Variants in PGS1 observed in about 807,000 individuals in gnomAD.
PGS1 encodes CDP-diacylglycerol--glycerol-3-phosphate 3-phosphatidyltransferase, mitochondrial.
A neutral mutation model predicts 58.3 loss-of-function variants in PGS1; 44 were observed. The observed-to-expected ratio is 0.75, with a 90% CI of 0.59 to 0.97. The LOEUF is 0.97. Ranked by LOEUF, PGS1 falls within the 50% of genes least tolerant of loss-of-function variation. PGS1 has a pLI of 0.00. For synonymous variants in PGS1, 330 were observed against 311.0 expected (o/e 1.06, Z -0.64); for missense variants, 684 against 731.1 (o/e 0.94, Z 0.74).
chr17:78,422,309 A>AG (rs2085886434), intron 9 of PGS1, among the ~76,000 whole-genome samples: 1 of 152,192 alleles, frequency 6.6e-6, no homozygotes, highest in Non-Finnish European at 1.5e-5. Context: ...GGGCGCCAGG[A>AG]GGGGAGGATT....
intron 2 of PGS1, among the ~76,000 whole-genome samples, chr17:78,394,046 C>T (rs1482931183): frequency 6.6e-6 from 1 of 151,702 alleles, no homozygotes; most frequent in Non-Finnish European, 1.5e-5. Flanking sequence ...GTGGCACACA[C>T]CTGTGGTCCT....
Position 78,389,642 on chromosome 17 carries a change from C to A in PGS1, c.144-2834C>A, listed in dbSNP as rs138269598. 6.7e-3 allele frequency among the ~76,000 whole-genome samples: 995 copies of A among 149,420 alleles called. 14 individuals are homozygous for A. Among genetic ancestry groups the A allele is most frequent in the African/African-American group, 0.023 (949 of 40,614 alleles). ...GGCCCCTTTTTTTTTGAGACGAAGTCTCACTCTGTCACTCAGGCTGGCATG... is the reference window on the plus strand; with the variant it reads ...GGCCCCTTTTTTTTTGAGACGAAGTATCACTCTGTCACTCAGGCTGGCATG... On this transcript the variant is annotated intron_variant, in intron 1 of 9. Coordinates refer to ENST00000262764, the MANE Select transcript of PGS1 (RefSeq NM_024419.5).
At chr17:78,378,911 C>A (rs2081829852) in intron 1 of PGS1, 103 bp downstream of exon 1, 19 of 1,229,968 alleles carry the variant, frequency 1.5e-5, no homozygotes, top group Non-Finnish European at 2.0e-5. Flanking sequence ...CGCAGCGAGT[C>A]CCTCCCCGGT....
At chr17:78,379,282 G>T (rs1407608447) in intron 1 of PGS1, among the ~76,000 whole-genome samples, 1 of 152,130 alleles carries the variant, frequency 6.6e-6, no homozygotes, top group Non-Finnish European at 1.5e-5. Flanking sequence ...GGGATTTTGT[G>T]TATAGAGCGT....
At chr17:78,405,769 T>C (rs1031102517) in intron 7 of PGS1, among the ~76,000 whole-genome samples, 4 of 152,144 alleles carry the variant, frequency 2.6e-5, no homozygotes, top group African/African-American at 9.7e-5. Context: ...CATGAGTACA[T>C]CCCACGGCTT....
At chr17:78,423,984 G>A (rs945086397) in intron 9 of PGS1, 77 bp from the exon 10 acceptor site, 1 of 1,614,046 alleles carries the variant, frequency 6.2e-7, no homozygotes, top group East Asian at 2.2e-5. Flanking sequence ...TAAAGGTCCA[G>A]ACATAGGTGG....
chr17:78,392,718 G>T (rs757896488), intron 2 of PGS1, 53 bp downstream of exon 2: 34 of 1,450,206 alleles, frequency 2.3e-5, no homozygotes, highest in Non-Finnish European at 3.2e-5. Context: ...GGGGGATCAG[G>T]TTGGTGAGTC....
intron 8 of PGS1, among the ~76,000 whole-genome samples, chr17:78,415,747 C>T (rs1405089693): frequency 1.3e-5 from 2 of 152,200 alleles, no homozygotes; most frequent in African/African-American, 2.4e-5. Flanking sequence ...TTCGGGATGA[C>T]CCTCTATTTG....
intron 7 of PGS1, 130 bp from the exon 8 acceptor site, chr17:78,414,749 C>A (rs2085027051): frequency 3.9e-6 from 4 of 1,030,936 alleles, no homozygotes; most frequent in Non-Finnish European, 5.8e-6. Flanking sequence ...CTGTCCGCCG[C>A]TCTGCAGCAG....
chr17:78,403,433 C>A, intron 6 of PGS1, 135 bp from the exon 7 acceptor site: 1 of 981,730 alleles, frequency 1.0e-6, no homozygotes. Flanking sequence ...GGGTCCTGGG[C>A]CCACTCAGCG....
At position 78,419,532 on chromosome 17, in the gene PGS1, T is replaced by C; in HGVS notation, c.1552-14T>C. 1 of 1,612,054 alleles carries C rather than the reference T, an allele frequency of 6.2e-7. No individual in the cohort carries two copies. Among genetic ancestry groups the C allele is most frequent in the Non-Finnish European group, 8.5e-7 (1 of 1,178,506 alleles). Reference sequence around the variant, plus strand: ...GGGGACTCCTCACTATTCCTGTCTGTTCCTCTTCCTCAGGAGCAAGAGCAG... The same window carrying C: ...GGGGACTCCTCACTATTCCTGTCTGCTCCTCTTCCTCAGGAGCAAGAGCAG... On this transcript the variant is annotated splice_polypyrimidine_tract_variant and intron_variant, in intron 8 of 9. Coordinates refer to ENST00000262764, the MANE Select transcript of PGS1 (RefSeq NM_024419.5).
At position 78,422,929 on chromosome 17, in the gene PGS1, C is replaced by T. The variant is rs185227573; in HGVS notation, c.*11-1132C>T. ...TGGCCAACATGGTGAAACCCCATCT[C>T]TACTAAAAATAAAAAAATTAGCTGC... On this transcript the variant is annotated intron_variant, in intron 9 of 9. Coordinates refer to ENST00000262764, the MANE Select transcript of PGS1 (RefSeq NM_024419.5). Among the ~76,000 whole-genome samples, 314 of 152,082 alleles carry T rather than the reference C, an allele frequency of 2.1e-3. 9 individuals carry two copies. The South Asian group carries it at 0.036, about 17-fold the overall frequency.
chr17:78,378,672 G>C lies in PGS1; in HGVS notation c.7G>C (p.Val3Leu). The C allele has an allele frequency of 6.5e-7, 1 of 1,534,512 alleles. No individual in the cohort carries two copies. Among genetic ancestry groups the C allele is most frequent in the Non-Finnish European group, 8.7e-7 (1 of 1,148,260 alleles). ...GCGGAAGCGGCGAGTCTCCATGGCG[G>C]TGGCGGCGGCAGCTGCGGCGGGACC... MAVAAAAAAGPVF... is the reference protein window; with the variant it reads MALAAAAAAGPVF... Residue 3 changes from valine (V) to leucine (L), a missense_variant, in exon 1 of 10, where the codon GTG (valine) becomes CTG (leucine). Val to Leu is a conservative substitution (Grantham distance 32). Transcript: ENST00000262764.
At chr17:78,401,257 A>G (rs1317043500) in intron 6 of PGS1, among the ~76,000 whole-genome samples, 1 of 152,146 alleles carries the variant, frequency 6.6e-6, no homozygotes, top group African/African-American at 2.4e-5. Flanking sequence ...CTCAGCAATG[A>G]ACACGTGTGC....
In PGS1 at chr17:78,400,999, C is replaced by G; in HGVS notation, c.880+144C>G. 1 of 697,448 alleles carries G rather than the reference C, an allele frequency of 1.4e-6. No individual in the cohort carries two copies. The highest frequency in any genetic ancestry group is 2.4e-6 in the Non-Finnish European group (1 of 423,170). 43.2% of individuals were successfully genotyped at this position (697,448 alleles called of 1,614,324 possible). On this transcript the variant is annotated intron_variant, in intron 6 of 9. Coordinates refer to ENST00000262764, the MANE Select transcript of PGS1 (RefSeq NM_024419.5). The surrounding 1 kb of genome is among the most constrained non-coding windows in gnomAD (Gnocchi z 4.4). The stretch of plus-strand genomic sequence containing the variant: ...TTCTGCTTTTGTCCTTGAAGCCAGA[C>G]AGATGTGACTCACTGACCATCAGTC...
intron 7 of PGS1, among the ~76,000 whole-genome samples, chr17:78,407,294 C>G (rs575293189): frequency 6.6e-6 from 1 of 152,154 alleles, no homozygotes; most frequent in Non-Finnish European, 1.5e-5. Flanking sequence ...TCACTTGATG[C>G]TGAAGTGAGA....
intron 1 of PGS1, among the ~76,000 whole-genome samples, chr17:78,385,672 T>A (rs1166122338): frequency 6.6e-6 from 1 of 152,212 alleles, no homozygotes; most frequent in Non-Finnish European, 1.5e-5. Flanking sequence ...ATCTGCCTGC[T>A]CGGCCTCTGA....
At chr17:78,385,237 A>G (rs59362812) in intron 1 of PGS1, among the ~76,000 whole-genome samples, 23,349 of 151,082 alleles carry the variant, frequency 0.15, 2,155 homozygotes, top group African/African-American at 0.26. Flanking sequence ...TCGTGCCTCA[A>G]CCTCCCAAGT....
intron 1 of PGS1, among the ~76,000 whole-genome samples, chr17:78,390,332 G>A (rs1440857284): frequency 1.5e-5 from 1 of 66,666 alleles, no homozygotes; most frequent in African/African-American, 3.6e-5. Context: ...GGGTGGGGGA[G>A]GAACAGCTGT....
Sources: gnomAD v4.1 joint callset for allele counts (sites outside exome capture counted in the v4.1 genomes callset) on GRCh38, gnomAD v4.1.1 for gene constraint, Gnocchi (gnomAD v3.1) non-coding constraint, MANE v1.5 for transcripts, NCBI Gene and HGNC (gene_info 2026-07-23, HGNC 2026-07-21) for gene names.